Variants in SPAG16 observed in about 807,000 individuals in gnomAD.
SPAG16 encodes sperm associated antigen 16.
In SPAG16, 86 loss-of-function variants were observed where a neutral mutation model predicts 80.4. The observed-to-expected ratio is 1.07, with a 90% CI of 0.90 to 1.28. The LOEUF (loss-of-function observed/expected upper bound fraction) is 1.28, where lower values mean the gene tolerates loss of function less well. Ranked by LOEUF, SPAG16 falls within the 50% of genes most tolerant of loss-of-function variation. The probability of loss-of-function intolerance (pLI) is 0.00; values close to 1 mark genes in which losing one functional copy is unlikely to be tolerated. For synonymous variants in SPAG16, 294 were observed against 265.9 expected (o/e 1.11, Z -1.03); for missense variants, 870 against 765.3 (o/e 1.14, Z -1.61).
At chr2:213,345,747 T>C (rs921004368) in intron 6 of SPAG16, among the ~76,000 whole-genome samples, 1 of 151,130 alleles carries the variant, frequency 6.6e-6, no homozygotes, top group Non-Finnish European at 1.5e-5. Flanking sequence ...TATATCTCTG[T>C]TTTGGTACCA....
intron 6 of SPAG16, among the ~76,000 whole-genome samples, chr2:213,349,502 G>T (rs2065205404): frequency 6.6e-6 from 1 of 152,112 alleles, no homozygotes; most frequent in Non-Finnish European, 1.5e-5. Context: ...AGGGTTGTTG[G>T]AAGTATAAAT....
intron 11 of SPAG16, among the ~76,000 whole-genome samples, chr2:213,878,665 C>G (rs1217582731): frequency 6.6e-6 from 1 of 152,042 alleles, no homozygotes; most frequent in African/African-American, 2.4e-5. Flanking sequence ...TTAATTAAGT[C>G]TATTTGTCTA....
chr2:213,561,568 T>C, intron 10 of SPAG16, among the ~76,000 whole-genome samples: 1 of 152,180 alleles, frequency 6.6e-6, no homozygotes, highest in Middle Eastern at 3.2e-3. Context: ...CCACAAAAGT[T>C]AATATGCATA....
Position 214,318,113 on chromosome 2 carries a change from A to G in SPAG16, c.1721-92027A>G, listed in dbSNP as rs1475222483. On this transcript the variant is annotated intron_variant, in intron 15 of 15. Transcript: ENST00000331683. ...ATATCAGGATCCTGGATTCATCAGC[A>G]TCTAACAAGTTACTACTTCTGGTGG... 2.6e-5 allele frequency among the ~76,000 whole-genome samples: 4 copies of G among 152,318 alleles called. No homozygotes were observed. In the East Asian group the frequency reaches 7.7e-4, roughly 29 times the overall value.
intron 15 of SPAG16, among the ~76,000 whole-genome samples, chr2:214,334,832 C>A (rs904482364): frequency 6.6e-6 from 1 of 152,190 alleles, no homozygotes; most frequent in Non-Finnish European, 1.5e-5. Flanking sequence ...TTGTACAACA[C>A]AGCCTACCAG....
chr2:213,685,897 A>G (rs1435775319), intron 10 of SPAG16, among the ~76,000 whole-genome samples: 2 of 152,200 alleles, frequency 1.3e-5, no homozygotes, highest in African/African-American at 4.8e-5. Flanking sequence ...TGCTTTTGTC[A>G]TCAATTTTTC....
At chr2:213,411,545 A>G (rs1575522221) in intron 9 of SPAG16, among the ~76,000 whole-genome samples, 1 of 152,314 alleles carries the variant, frequency 6.6e-6, no homozygotes, top group East Asian at 1.9e-4. Context: ...TCAATGTTGT[A>G]TCTTCATCCC....
At chr2:213,870,332 A>G (rs1043932361) in intron 11 of SPAG16, among the ~76,000 whole-genome samples, 1 of 144,228 alleles carries the variant, frequency 6.9e-6, no homozygotes, top group African/African-American at 2.5e-5. Flanking sequence ...ATTAAGCCTT[A>G]TAAGACTGGA....
intron 10 of SPAG16, among the ~76,000 whole-genome samples, chr2:213,554,792 A>G (rs1016185534): frequency 1.3e-5 from 2 of 151,976 alleles, no homozygotes; most frequent in Non-Finnish European, 2.9e-5. Flanking sequence ...TTTAAAACAC[A>G]AAGGAGAACA....
intron 12 of SPAG16, among the ~76,000 whole-genome samples, chr2:214,008,581 C>T (rs1014774406): frequency 1.3e-5 from 2 of 152,048 alleles, no homozygotes; most frequent in African/African-American, 4.8e-5. Flanking sequence ...CCTGTCTCCA[C>T]TAAAAATACA....
intron 10 of SPAG16, among the ~76,000 whole-genome samples, chr2:213,821,722 T>C (rs1274322965): frequency 6.6e-6 from 1 of 152,186 alleles, no homozygotes; most frequent in Non-Finnish European, 1.5e-5. Flanking sequence ...CTTCCTAGCA[T>C]CTGGTAACCA....
At chr2:213,896,593 C>CTATATATATATATATATATATATATATAT (rs1553657365) in intron 11 of SPAG16, among the ~76,000 whole-genome samples, 13 of 119,766 alleles carry the variant, frequency 1.1e-4, no homozygotes, top group Admixed American at 3.2e-4. Flanking sequence ...CACACACACG[C>CTATATATATATATATATATATATATATAT]ACACACACAC....
intron 12 of SPAG16, among the ~76,000 whole-genome samples, chr2:214,009,783 T>C (rs1243716489): frequency 6.6e-6 from 1 of 152,218 alleles, no homozygotes; most frequent in Non-Finnish European, 1.5e-5. Flanking sequence ...ACAACAAATC[T>C]GAATAGAAGT....
intron 4 of SPAG16, among the ~76,000 whole-genome samples, chr2:213,316,324 A>G (rs977004847): frequency 2.0e-5 from 3 of 151,954 alleles, no homozygotes; most frequent in African/African-American, 7.2e-5. Context: ...CCCCACCTTG[A>G]CAGCATTTCT....
chr2:213,375,008 A>G lies in SPAG16; in HGVS notation c.833-2A>G, dbSNP rs777161931. 5 of 1,581,000 alleles carry G rather than the reference A, an allele frequency of 3.2e-6. No individual in the cohort carries two copies. The highest frequency in any genetic ancestry group is 1.1e-5 in the South Asian group (1 of 88,038). On this transcript the variant is annotated splice_acceptor_variant, in intron 8 of 15. Coordinates refer to ENST00000331683, the MANE Select transcript of SPAG16 (RefSeq NM_024532.5). LOFTEE classifies it high-confidence loss of function. ...TTAAGAATAAATTATATTATCTTGT[A>G]GTTGATCATAGTCGTGAAAAAGAAA...
At chr2:214,016,382 C>G (rs75048300) in intron 13 of SPAG16, among the ~76,000 whole-genome samples, 1 of 152,222 alleles carries the variant, frequency 6.6e-6, no homozygotes, top group East Asian at 1.9e-4. Context: ...TTCACTATCA[C>G]GAGAACAGCA....
chr2:214,386,361 T>C (rs1055046770), intron 15 of SPAG16, among the ~76,000 whole-genome samples: 6 of 152,070 alleles, frequency 3.9e-5, no homozygotes, highest in Non-Finnish European at 7.4e-5. Context: ...ATCACACCAC[T>C]GTACTCCAGC....
chr2:213,683,704 A>G (rs921697707), intron 10 of SPAG16, among the ~76,000 whole-genome samples: 2 of 152,194 alleles, frequency 1.3e-5, no homozygotes, highest in African/African-American at 2.4e-5. Flanking sequence ...AACCTCACCT[A>G]TAGAGTCTAT....
intron 6 of SPAG16, among the ~76,000 whole-genome samples, chr2:213,344,591 C>CA (rs2064868710): frequency 1.3e-5 from 2 of 152,080 alleles, no homozygotes; most frequent in Non-Finnish European, 2.9e-5. Context: ...CATGTGTTCT[C>CA]ATTGTTCAGT....
Sources: allele counts gnomAD v4.1 joint callset (sites outside exome capture counted in the v4.1 genomes callset), GRCh38; gene constraint gnomAD v4.1.1; transcripts MANE v1.5; gene names NCBI Gene and HGNC (gene_info 2026-07-23, HGNC 2026-07-21).